FHL2: variants seen among roughly 807,000 people sequenced by gnomAD.
FHL2 encodes four and a half LIM domains protein 2.
A neutral mutation model predicts 32.7 loss-of-function variants in FHL2; 20 were observed. The observed-to-expected ratio is 0.61, with a 90% confidence interval of 0.43 to 0.89. The LOEUF is 0.89. Among genes scored for constraint, FHL2 ranks in the 40% least tolerant of loss-of-function variants. FHL2 has a pLI of 0.00. For synonymous variants in FHL2, 123 were observed against 128.1 expected, an observed-to-expected ratio of 0.96 and a Z score of 0.27; for missense variants, 311 against 358.6, an observed-to-expected ratio of 0.87 and a Z score of 1.07.
At chr2:105,402,307 C>T (rs1292299150), upstream of FHL2, among the ~76,000 whole-genome samples, 2 of 151,598 alleles carry the variant, frequency 1.3e-5, no homozygotes, top group South Asian at 2.1e-4. Flanking sequence ...AGTACAGTGG[C>T]ACTGTCTTGG....
At chr2:105,429,306 C>T (rs1365655937) in intron 1 of FHL2, among the ~76,000 whole-genome samples, 1 of 152,166 alleles carries the variant, frequency 6.6e-6, no homozygotes, top group Non-Finnish European at 1.5e-5. Flanking sequence ...ATTCCTGGAA[C>T]CCATGAATAT....
At chr2:105,390,353 G>A (rs1016343621) in intron 2 of FHL2, 2 of 152,472 alleles carry the variant, frequency 1.3e-5, no homozygotes, top group South Asian at 2.1e-4. Flanking sequence ...GTGATATGAT[G>A]AATATCATTA....
chr2:105,368,953 G>A (rs752477871), intron 4 of FHL2, among the ~76,000 whole-genome samples: 6 of 152,174 alleles, frequency 3.9e-5, no homozygotes, highest in Non-Finnish European at 5.9e-5. Flanking sequence ...ACACAGCCAC[G>A]CCCATTAATT....
chr2:105,379,250 G>A (rs1681707295), intron 3 of FHL2, among the ~76,000 whole-genome samples: 1 of 152,170 alleles, frequency 6.6e-6, no homozygotes, highest in South Asian at 2.1e-4. Flanking sequence ...TATAACAGTT[G>A]CTGGTATGTA....
chr2:105,434,599 A>C lies in FHL2; in HGVS notation c.-25+3800T>G, dbSNP rs935798637. ...AAAACAAAACAAACAAACAAAAAAA[A>C]CAAGACATTATCTTTAACTTGGTTG... On this transcript the variant is annotated intron_variant, in intron 1 of 5. Transcript: ENST00000393352. 4.6e-5 allele frequency among the ~76,000 whole-genome samples: 7 copies of C among 152,080 alleles called. No individual in the cohort carries two copies. In the East Asian group the frequency reaches 7.7e-4, roughly 17 times the overall value.
At chr2:105,435,718 A>T (rs1684588346) in intron 1 of FHL2, among the ~76,000 whole-genome samples, 2 of 152,206 alleles carry the variant, frequency 1.3e-5, no homozygotes, top group Admixed American at 6.5e-5. Flanking sequence ...GCTACTCGGG[A>T]GGCTGAGGCA....
At chr2:105,412,653 G>A (rs1259448954) in intron 1 of FHL2, among the ~76,000 whole-genome samples, 1 of 152,210 alleles carries the variant, frequency 6.6e-6, no homozygotes, top group Admixed American at 6.5e-5. Flanking sequence ...GGAGTGGGTC[G>A]AAGGTCAAGC....
At chr2:105,408,756 A>G (rs1282462784) in intron 1 of FHL2, among the ~76,000 whole-genome samples, 1 of 152,148 alleles carries the variant, frequency 6.6e-6, no homozygotes, top group Admixed American at 6.5e-5. Context: ...TATGATGTTC[A>G]TCTTATTTAT....
At chr2:105,409,708 A>C (rs1314402771) in intron 1 of FHL2, among the ~76,000 whole-genome samples, 5 of 152,186 alleles carry the variant, frequency 3.3e-5, no homozygotes, top group Admixed American at 1.3e-4. Context: ...GAGGATGCGA[A>C]GGGGTGATAT....
At chr2:105,397,782 C>A (rs1309337205) in intron 1 of FHL2, among the ~76,000 whole-genome samples, 3 of 152,060 alleles carry the variant, frequency 2.0e-5, no homozygotes, top group Non-Finnish European at 4.4e-5. Context: ...TATAAATGCA[C>A]AATGAAATGT....
chr2:105,392,178 A>G (rs1682779038), intron 2 of FHL2, among the ~76,000 whole-genome samples: 1 of 152,330 alleles, frequency 6.6e-6, no homozygotes, highest in Non-Finnish European at 1.5e-5. Context: ...GCTTTGACTC[A>G]GATGTAAGAA....
At chr2:105,373,817 A>G in intron 3 of FHL2, 84 bp from the exon 4 acceptor site, 1 of 1,386,750 alleles carries the variant, frequency 7.2e-7, no homozygotes, top group African/African-American at 1.4e-5. Context: ...GCGAATCTGC[A>G]GGGCAAACAA....
intron 1 of FHL2, among the ~76,000 whole-genome samples, chr2:105,422,075 C>T (rs763626886): frequency 1.3e-5 from 2 of 152,222 alleles, no homozygotes; most frequent in African/African-American, 2.4e-5. Flanking sequence ...TCCTTCCCCA[C>T]ATACATGCAA....
chr2:105,392,462 A>G (rs1041719225), intron 2 of FHL2, among the ~76,000 whole-genome samples: 1 of 152,146 alleles, frequency 6.6e-6, no homozygotes, highest in Admixed American at 6.6e-5. Flanking sequence ...AAACAGCCTC[A>G]TGGTGACACA....
At chr2:105,376,940 T>G (rs1681515159) in intron 3 of FHL2, among the ~76,000 whole-genome samples, 1 of 152,194 alleles carries the variant, frequency 6.6e-6, no homozygotes, top group Non-Finnish European at 1.5e-5. Context: ...CTGCATGATC[T>G]CACACATGTG....
chr2:105,432,390 C>G (rs1260409345), intron 1 of FHL2, among the ~76,000 whole-genome samples: 1 of 152,088 alleles, frequency 6.6e-6, no homozygotes, highest in African/African-American at 2.4e-5. Flanking sequence ...TGACCTCTGT[C>G]TTTGATTTTG....
At chr2:105,406,455 C>CTT (rs10655752) in intron 1 of FHL2, among the ~76,000 whole-genome samples, 2,220 of 141,408 alleles carry the variant, frequency 0.016, 38 homozygotes, top group African/African-American at 0.036. Flanking sequence ...TTTTTCTTAT[C>CTT]TTTTTTTTTT....
chr2:105,430,553 A>G (rs1223412040), intron 1 of FHL2, among the ~76,000 whole-genome samples: 4 of 152,176 alleles, frequency 2.6e-5, no homozygotes, highest in Non-Finnish European at 5.9e-5. Flanking sequence ...CTGTAGTCCA[A>G]GCTACTCTGG....
In FHL2 at chr2:105,367,644, G is replaced by A. The variant is rs930942310; in HGVS notation, c.427C>T (p.Pro143Ser). ...QQPIGTKSFI[P>S]KDNQNFCVPC... ...ACACAGAAATTCTGATTGTCTTTGG[G>A]GATGAAACTCTTGGTTCCAATTGGC... The change falls in exon 5 of 7, where the codon CCC becomes TCC. Residue 143 changes from proline (P) to serine (S), a missense_variant. Physicochemically the swap from Pro to Ser is moderately conservative, Grantham distance 74 (BLOSUM62 -1). Transcript: ENST00000530340. 1.9e-6 allele frequency: 3 copies of A among 1,614,106 alleles called. No homozygotes were observed. The highest frequency in any genetic ancestry group is 2.7e-5 in the African/African-American group (2 of 74,924).
Sources: gnomAD v4.1 joint callset for allele counts (sites outside exome capture counted in the v4.1 genomes callset) on GRCh38, gnomAD v4.1.1 for gene constraint, MANE v1.5 for transcripts, NCBI Gene and HGNC (gene_info 2026-07-23, HGNC 2026-07-21) for gene names.